CFDP1: variants seen among roughly 807,000 people sequenced by gnomAD.
The protein encoded by CFDP1 is chromatin remodeling protein CFDP1.
Under a neutral mutation model 40.1 loss-of-function variants are expected in CFDP1, and 31 were observed. The ratio of observed to expected loss-of-function variants is 0.77; its 90% confidence interval spans 0.58 to 1.04. The LOEUF is 1.04. Among genes scored for constraint, CFDP1 ranks in the 50% least tolerant of loss-of-function variants. The pLI, the probability that CFDP1 is intolerant of heterozygous loss-of-function variation, is 0.00. For synonymous variants in CFDP1, 167 were observed against 120.0 expected, an observed-to-expected ratio of 1.39 and a Z score of -2.56; for missense variants, 423 against 343.4, an observed-to-expected ratio of 1.23 and a Z score of -1.83.
intron 1 of CFDP1, among the ~76,000 whole-genome samples, chr16:75,423,248 G>A (rs1247622617): frequency 3.5e-5 from 5 of 142,370 alleles, no homozygotes; most frequent in South Asian, 2.3e-4. Flanking sequence ...GCCACTGCAC[G>A]CCAGCCTGGG....
chr16:75,358,816 C>T (rs1300986845), intron 5 of CFDP1, among the ~76,000 whole-genome samples: 4 of 152,094 alleles, frequency 2.6e-5, no homozygotes, highest in Admixed American at 6.5e-5. Context: ...TGCCTACCAC[C>T]GTGAACTAGA....
intron 5 of CFDP1, among the ~76,000 whole-genome samples, chr16:75,347,343 C>CAAAAAAAAAAA (rs762900031): frequency 1.6e-4 from 15 of 91,618 alleles, no homozygotes; most frequent in South Asian, 4.4e-4. Flanking sequence ...GACTCCATCT[C>CAAAAAAAAAAA]AAAAAAAAAA....
intron 5 of CFDP1, among the ~76,000 whole-genome samples, chr16:75,393,629 G>A (rs886574971): frequency 6.6e-6 from 1 of 151,024 alleles, no homozygotes; most frequent in Non-Finnish European, 1.5e-5. Flanking sequence ...TACTCGGGAG[G>A]CTGAGGCAGG....
At chr16:75,297,599 G>A (rs900389566) in intron 6 of CFDP1, among the ~76,000 whole-genome samples, 1 of 152,220 alleles carries the variant, frequency 6.6e-6, no homozygotes, top group African/African-American at 2.4e-5. Context: ...GCCCTTTTGG[G>A]GGCCCAGCAT....
intron 5 of CFDP1, among the ~76,000 whole-genome samples, chr16:75,366,413 GGC>G (rs2078714092): frequency 6.6e-6 from 1 of 152,080 alleles, no homozygotes; most frequent in Non-Finnish European, 1.5e-5. Flanking sequence ...GGCTGAGGCA[GGC>G]AGCTCAGTAT....
chr16:75,300,309 C>T (rs1419874119), intron 6 of CFDP1, among the ~76,000 whole-genome samples: 1 of 152,202 alleles, frequency 6.6e-6, no homozygotes. Context: ...TTTTTTGAGA[C>T]AGAGTTTCGC....
intron 5 of CFDP1, among the ~76,000 whole-genome samples, chr16:75,378,515 T>C (rs2078822402): frequency 6.6e-6 from 1 of 152,174 alleles, no homozygotes; most frequent in African/African-American, 2.4e-5. Context: ...ATAAAAGCTA[T>C]TCATTTACTC....
intron 5 of CFDP1, among the ~76,000 whole-genome samples, chr16:75,349,896 G>C (rs1031203569): frequency 6.6e-6 from 1 of 151,068 alleles, no homozygotes; most frequent in Non-Finnish European, 1.5e-5. Context: ...TAACTGCCCT[G>C]GCTAGAAGCA....
At chr16:75,319,341 C>A (rs1011983538) in intron 5 of CFDP1, among the ~76,000 whole-genome samples, 6 of 152,114 alleles carry the variant, frequency 3.9e-5, no homozygotes, top group Non-Finnish European at 7.4e-5. Flanking sequence ...CACGCCCAGC[C>A]CCAAACTTCT....
chr16:75,340,195 A>G (rs111267088), intron 5 of CFDP1, among the ~76,000 whole-genome samples: 108 of 152,342 alleles, frequency 7.1e-4, no homozygotes, highest in African/African-American at 2.5e-3. Context: ...CAGGACCGCA[A>G]TGCTCCTACG....
chr16:75,391,840 G>A (rs778670570), intron 5 of CFDP1, among the ~76,000 whole-genome samples: 1 of 151,952 alleles, frequency 6.6e-6, no homozygotes, highest in Non-Finnish European at 1.5e-5. Flanking sequence ...GTGGTGGCGG[G>A]CGCCTGTAAT....
At chr16:75,329,575 C>A (rs1433462517) in intron 5 of CFDP1, among the ~76,000 whole-genome samples, 1 of 152,170 alleles carries the variant, frequency 6.6e-6, no homozygotes, top group Non-Finnish European at 1.5e-5. Context: ...TCATGGCAGC[C>A]TTGAACACCT....
intron 4 of CFDP1, among the ~76,000 whole-genome samples, chr16:75,404,560 C>A (rs910691401): frequency 6.6e-6 from 1 of 152,094 alleles, no homozygotes; most frequent in Non-Finnish European, 1.5e-5. Context: ...CCTAACTTAT[C>A]CCCATCAATG....
intron 5 of CFDP1, among the ~76,000 whole-genome samples, chr16:75,318,579 T>C (rs2078340765): frequency 6.6e-6 from 1 of 152,070 alleles, no homozygotes; most frequent in Non-Finnish European, 1.5e-5. Context: ...CTAATTTTTG[T>C]ATTTTTAGTA....
chr16:75,310,268 G>A (rs763770209), intron 5 of CFDP1, among the ~76,000 whole-genome samples: 9 of 152,150 alleles, frequency 5.9e-5, no homozygotes, highest in African/African-American at 2.2e-4. Flanking sequence ...TCATACTGGT[G>A]AAAGAGACAC....
chr16:75,428,014 G>C (rs1440479027), intron 1 of CFDP1, among the ~76,000 whole-genome samples: 1 of 152,156 alleles, frequency 6.6e-6, no homozygotes, highest in Non-Finnish European at 1.5e-5. Flanking sequence ...GTTCCATTTA[G>C]ATTATATTCT....
intron 1 of CFDP1, among the ~76,000 whole-genome samples, chr16:75,418,528 C>G (rs2079237219): frequency 6.6e-6 from 1 of 151,832 alleles, no homozygotes; most frequent in African/African-American, 2.4e-5. Context: ...CCAAGATGGT[C>G]TCGAACTCCT....
At chr16:75,414,937 C>T (rs1310987925) in intron 1 of CFDP1, among the ~76,000 whole-genome samples, 1 of 152,184 alleles carries the variant, frequency 6.6e-6, no homozygotes, top group East Asian at 1.9e-4. Flanking sequence ...CAAAACTCAT[C>T]CCACTTATAT....
At chr16:75,327,721 A>C (rs2078412931) in intron 5 of CFDP1, among the ~76,000 whole-genome samples, 1 of 151,786 alleles carries the variant, frequency 6.6e-6, no homozygotes, top group African/African-American at 2.4e-5. Flanking sequence ...TCAACGCCAA[A>C]TTATTATTAT....
Sources: allele counts gnomAD v4.1 joint callset (sites outside exome capture counted in the v4.1 genomes callset), GRCh38; gene constraint gnomAD v4.1.1; transcripts MANE v1.5; gene names NCBI Gene and HGNC (gene_info 2026-07-23, HGNC 2026-07-21).